Variants in PAX7 observed in about 807,000 individuals in gnomAD.
PAX7 encodes the protein paired box protein Pax-7.
In PAX7, 18 loss-of-function variants were observed where a neutral mutation model predicts 50.7. The ratio of observed to expected loss-of-function variants is 0.36; its 90% CI spans 0.25 to 0.53. PAX7 has a LOEUF of 0.53. PAX7 is among the 20% of genes least tolerant of loss of function. The pLI, the probability that PAX7 is intolerant of heterozygous loss-of-function variation, is 0.93. For missense variants in PAX7, 644 were observed against 702.9 expected (o/e 0.92, Z 0.95); for synonymous variants, 310 against 290.4 (o/e 1.07, Z -0.69).
At chr1:18,724,085 G>T (rs1238940161) in intron 7 of PAX7, among the ~76,000 whole-genome samples, 1 of 152,252 alleles carries the variant, frequency 6.6e-6, no homozygotes, top group African/African-American at 2.4e-5. Context: ...TGCGTGCTCG[G>T]TGGGCCGGCC....
chr1:18,654,348 CA>C (rs1280136292), intron 4 of PAX7, among the ~76,000 whole-genome samples: 3 of 152,202 alleles, frequency 2.0e-5, no homozygotes, highest in Non-Finnish European at 4.4e-5. Context: ...TGTCCCCTCT[CA>C]GGGGGAAATA....
intron 4 of PAX7, among the ~76,000 whole-genome samples, chr1:18,637,477 CT>C (rs1465848788): frequency 1.3e-5 from 2 of 152,156 alleles, no homozygotes; most frequent in Non-Finnish European, 2.9e-5. Context: ...AGACTGATGG[CT>C]TTGGAAAAAG....
At chr1:18,665,845 T>G (rs2100218030) in intron 4 of PAX7, among the ~76,000 whole-genome samples, 1 of 152,106 alleles carries the variant, frequency 6.6e-6, no homozygotes, top group East Asian at 1.9e-4. Context: ...GATTTTTTTG[T>G]ATTTTAAATA....
intron 8 of PAX7, among the ~76,000 whole-genome samples, chr1:18,742,148 CTTTTTTTTTTTTTT>C (rs61248648): frequency 1.9e-5 from 2 of 103,576 alleles, no homozygotes; most frequent in South Asian, 3.0e-4. Context: ...AATGAGGCTT[CTTTTTTTTTTTTTT>C]TTTTTTTTTT....
chr1:18,655,065 T>C (rs1309807953), intron 4 of PAX7, among the ~76,000 whole-genome samples: 8 of 152,240 alleles, frequency 5.3e-5, no homozygotes, highest in Non-Finnish European at 1.0e-4. Flanking sequence ...GCATCATTGT[T>C]ATCATTTAAT....
intron 4 of PAX7, among the ~76,000 whole-genome samples, chr1:18,642,730 G>A (rs183845548): frequency 1.3e-5 from 2 of 151,570 alleles, no homozygotes; most frequent in East Asian, 2.0e-4. Flanking sequence ...CCCGGCTGGG[G>A]TGGAGCAGGG....
chr1:18,690,066 C>T (rs2089044731), intron 4 of PAX7, among the ~76,000 whole-genome samples: 1 of 152,208 alleles, frequency 6.6e-6, no homozygotes, highest in Non-Finnish European at 1.5e-5. Flanking sequence ...AGCACAAGGT[C>T]TCCCAAGATC....
intron 4 of PAX7, among the ~76,000 whole-genome samples, chr1:18,662,786 A>G (rs1023946611): frequency 2.0e-5 from 3 of 152,002 alleles, no homozygotes; most frequent in Admixed American, 2.0e-4. Context: ...GTTGGCCAGG[A>G]TGGTCTAAAT....
intron 4 of PAX7, among the ~76,000 whole-genome samples, chr1:18,685,773 G>A (rs1482906873): frequency 2.0e-5 from 3 of 152,194 alleles, no homozygotes; most frequent in African/African-American, 7.2e-5. Context: ...GCGTGGCTGA[G>A]GCTTCCTGGC....
chr1:18,675,900 A>G lies in PAX7; in HGVS notation c.587-15854A>G, dbSNP rs150738518. Among the ~76,000 whole-genome samples the G allele has an allele frequency of 1.4e-3, 214 of 152,272 alleles. 1 individual carries two copies. Among genetic ancestry groups the G allele is most frequent in the African/African-American group, 4.9e-3 (204 of 41,568 alleles). ...AGGCCCCAGGGTCGCTCCCCTGATC[A>G]GGGCAGGTGACAGCCCTCACTTAGC... is the stretch of plus-strand genomic sequence containing the variant. On this transcript the variant is annotated intron_variant, in intron 4 of 8. Coordinates refer to ENST00000420770, the MANE Select transcript of PAX7 (RefSeq NM_001135254.2).
At chr1:18,652,217 C>T (rs1384770532) in intron 4 of PAX7, among the ~76,000 whole-genome samples, 1 of 151,934 alleles carries the variant, frequency 6.6e-6, no homozygotes, top group African/African-American at 2.4e-5. Context: ...GCTGCCTCCA[C>T]CCTTAACCTC....
At chr1:18,685,908 T>C (rs1323808622) in intron 4 of PAX7, among the ~76,000 whole-genome samples, 2 of 151,478 alleles carry the variant, frequency 1.3e-5, no homozygotes, top group African/African-American at 4.9e-5. Context: ...TCCATCACCA[T>C]CACCATCACC....
At chr1:18,732,850 C>T (rs866489462) in intron 7 of PAX7, among the ~76,000 whole-genome samples, 2 of 152,108 alleles carry the variant, frequency 1.3e-5, no homozygotes, top group African/African-American at 4.8e-5. Context: ...TCATCCCATC[C>T]GGGCTTGGCA....
chr1:18,682,113 T>G (rs1283536476), intron 4 of PAX7, among the ~76,000 whole-genome samples: 2 of 152,162 alleles, frequency 1.3e-5, no homozygotes, highest in African/African-American at 4.8e-5. Flanking sequence ...TCAAGTTTTG[T>G]GAACAAGGTG....
At chr1:18,707,081 A>G (rs589463) in intron 7 of PAX7, among the ~76,000 whole-genome samples, 105,184 of 152,166 alleles carry the variant, frequency 0.69, 37,417 homozygotes, top group East Asian at 0.81. Flanking sequence ...CACTAACATA[A>G]TGAATATTTA....
chr1:18,701,615 A>G (rs985535600), intron 6 of PAX7, among the ~76,000 whole-genome samples: 3 of 152,164 alleles, frequency 2.0e-5, no homozygotes, highest in African/African-American at 7.2e-5. Flanking sequence ...CTCTCTGGAA[A>G]GATCCATTTT....
intron 4 of PAX7, among the ~76,000 whole-genome samples, chr1:18,657,752 GCT>G (rs1164743471): frequency 1.3e-5 from 2 of 151,876 alleles, no homozygotes; most frequent in Non-Finnish European, 2.9e-5. Context: ...GTGTCTGCTG[GCT>G]CTCTCTCTCC....
chr1:18,692,024 T>C, intron 5 of PAX7, 71 bp downstream of exon 5: 2 of 1,465,282 alleles, frequency 1.4e-6, no homozygotes, highest in Non-Finnish European at 1.9e-6. Context: ...ATGGCCAAGG[T>C]CAGTGGGTTT....
chr1:18,720,175 C>T (rs190728105), intron 7 of PAX7, among the ~76,000 whole-genome samples: 2 of 152,304 alleles, frequency 1.3e-5, no homozygotes, highest in Admixed American at 6.5e-5. Context: ...TGCGTGCCTG[C>T]GGATGTTTGA....
Sources: gnomAD v4.1 joint callset for allele counts (sites outside exome capture counted in the v4.1 genomes callset) on GRCh38, gnomAD v4.1.1 for gene constraint, MANE v1.5 for transcripts, NCBI Gene and HGNC (gene_info 2026-07-23, HGNC 2026-07-21) for gene names.